B3GAT2: variants seen among roughly 807,000 people sequenced by gnomAD.
B3GAT2 encodes the protein galactosylgalactosylxylosylprotein 3-beta-glucuronosyltransferase 2.
In B3GAT2, 26 loss-of-function variants were observed where a neutral mutation model predicts 27.8. The ratio of observed to expected loss-of-function variants is 0.93; its 90% confidence interval spans 0.68 to 1.30. B3GAT2 has a LOEUF of 1.30. B3GAT2 is among the 50% of genes most tolerant of loss of function. B3GAT2 has a pLI of 0.00. For missense variants in B3GAT2, 458 were observed against 459.0 expected (o/e 1.00, Z 0.02); for synonymous variants, 218 against 195.1 (o/e 1.12, Z -0.98).
rs552969152 is a variant in B3GAT2, at chr6:70,856,688, A to G, written c.*4975T>C. 1 of 534,492 alleles carries G rather than the reference A, an allele frequency of 1.9e-6. No individual in the cohort carries two copies. The highest frequency in any genetic ancestry group is 3.0e-5 in the East Asian group (1 of 33,698). The allele number at this position is 534,492 out of a possible 1,614,324, so 33.1% of individuals were successfully genotyped here. On this transcript the variant is annotated 3_prime_UTR_variant, in exon 4 of 4. Transcript: ENST00000230053. Reference sequence around the variant, plus strand: ...TTAAGAAGTACTGTCTTGATTGTAGATGTTTTTATATGGGCTTGGGCTTGT... The same window carrying G: ...TTAAGAAGTACTGTCTTGATTGTAGGTGTTTTTATATGGGCTTGGGCTTGT...
chr6:70,865,411 G>A (rs1485934420), intron 2 of B3GAT2, among the ~76,000 whole-genome samples: 1 of 152,142 alleles, frequency 6.6e-6, no homozygotes, highest in African/African-American at 2.4e-5. Context: ...AGCTACAGCA[G>A]CCAGTCAAAA....
chr6:70,910,707 G>A (rs1772676283), intron 1 of B3GAT2, among the ~76,000 whole-genome samples: 1 of 152,076 alleles, frequency 6.6e-6, no homozygotes, highest in Non-Finnish European at 1.5e-5. Context: ...TGGATGGCTG[G>A]GTAAAATGGT....
Position 70,936,297 on chromosome 6 carries a change from A to C in B3GAT2, c.591+19542T>G, listed in dbSNP as rs1391191033. Among the ~76,000 whole-genome samples, 606 of 151,930 alleles carry C rather than the reference A, an allele frequency of 4.0e-3. 1 individual carries two copies. The highest frequency in any genetic ancestry group is 6.6e-3 in the Non-Finnish European group (451 of 67,846). On this transcript the variant is annotated intron_variant, in intron 1 of 3. Transcript: ENST00000230053. ...AAAGAGACTTAGACTCCCAAACAAT[A>C]ATAATGGGAGACTTTAACACCCCAC... is the stretch of plus-strand genomic sequence containing the variant.
At chr6:70,941,584 T>G (rs1765394479) in intron 1 of B3GAT2, among the ~76,000 whole-genome samples, 1 of 152,052 alleles carries the variant, frequency 6.6e-6, no homozygotes, top group South Asian at 2.1e-4. Flanking sequence ...GCTCATGACA[T>G]TCTCTTTCCT....
chr6:70,901,508 G>A (rs1772498573), intron 1 of B3GAT2, among the ~76,000 whole-genome samples: 1 of 152,242 alleles, frequency 6.6e-6, no homozygotes, highest in African/African-American at 2.4e-5. Flanking sequence ...AAGGGACATA[G>A]CCAATTGAAA....
intron 1 of B3GAT2, among the ~76,000 whole-genome samples, chr6:70,913,933 C>G (rs1173870336): frequency 6.6e-6 from 1 of 152,100 alleles, no homozygotes; most frequent in Non-Finnish European, 1.5e-5. Flanking sequence ...GAATTGAACC[C>G]TTTATGATTA....
At chr6:70,889,093 C>T (rs568054077) in intron 2 of B3GAT2, among the ~76,000 whole-genome samples, 4 of 152,250 alleles carry the variant, frequency 2.6e-5, no homozygotes, top group East Asian at 1.9e-4. Context: ...TAACATTTGG[C>T]GGACGGTCAA....
intron 1 of B3GAT2, among the ~76,000 whole-genome samples, chr6:70,915,756 G>A (rs1399670486): frequency 1.3e-5 from 2 of 152,086 alleles, no homozygotes; most frequent in Non-Finnish European, 2.9e-5. Context: ...TATTCCGTTG[G>A]TCTACATGTC....
intron 1 of B3GAT2, among the ~76,000 whole-genome samples, chr6:70,945,843 A>C (rs1395528247): frequency 6.6e-6 from 1 of 151,774 alleles, no homozygotes; most frequent in African/African-American, 2.4e-5. Context: ...TTACCCACAA[A>C]GGGAAGCCCA....
At chr6:70,889,267 T>C (rs755010407) in intron 2 of B3GAT2, among the ~76,000 whole-genome samples, 5 of 152,128 alleles carry the variant, frequency 3.3e-5, no homozygotes, top group Non-Finnish European at 7.4e-5. Flanking sequence ...TATCACTTCT[T>C]AAAACTTCAA....
chr6:70,884,623 CGT>C (rs1370009018), intron 2 of B3GAT2, among the ~76,000 whole-genome samples: 1 of 152,206 alleles, frequency 6.6e-6, no homozygotes, highest in East Asian at 1.9e-4. Context: ...GGGGCATCCA[CGT>C]GTGATGGAAA....
intron 1 of B3GAT2, among the ~76,000 whole-genome samples, chr6:70,903,969 G>C (rs1772553873): frequency 6.6e-6 from 1 of 152,054 alleles, no homozygotes; most frequent in Admixed American, 6.5e-5. Flanking sequence ...ATATCCATAA[G>C]CTGGAAATGG....
intron 1 of B3GAT2, among the ~76,000 whole-genome samples, chr6:70,914,924 A>G (rs771869205): frequency 6.6e-5 from 10 of 152,170 alleles, no homozygotes; most frequent in Non-Finnish European, 5.9e-5. Context: ...TATACCCACA[A>G]ATGGGATTGC....
At position 70,887,833 on chromosome 6, in the gene B3GAT2, C is replaced by A. The variant is rs1427438007; in HGVS notation, c.736+6295G>T. On this transcript the variant is annotated intron_variant, in intron 2 of 3. Coordinates refer to ENST00000230053, the MANE Select transcript of B3GAT2 (RefSeq NM_080742.3). ...AGGAAGGAGCATTTCCAGGCAGGGG[C>A]ATCAGTGCAGGCCCCAAAGGGAAGG... Among the ~76,000 whole-genome samples, 7 of 152,170 alleles carry A rather than the reference C, an allele frequency of 4.6e-5. No individual in the cohort carries two copies. The East Asian group carries it at 1.4e-3, about 29-fold the overall frequency.
chr6:70,880,228 G>A (rs1280444546), intron 2 of B3GAT2, among the ~76,000 whole-genome samples: 1 of 152,086 alleles, frequency 6.6e-6, no homozygotes, highest in South Asian at 2.1e-4. Flanking sequence ...TGGCAGTGAC[G>A]GTTGGCTTAA....
In B3GAT2 at chr6:70,857,044, A is replaced by T. The variant is rs1771455340; in HGVS notation, c.*4619T>A. Reference sequence around the variant, plus strand: ...AAAGTACTCCTGGTAATGAATTTTGATATCTGCTTTCAGTGACATTACTAG... The same window carrying T: ...AAAGTACTCCTGGTAATGAATTTTGTTATCTGCTTTCAGTGACATTACTAG... On this transcript the variant is annotated 3_prime_UTR_variant, in exon 4 of 4. Coordinates refer to ENST00000230053, the MANE Select transcript of B3GAT2 (RefSeq NM_080742.3). 1 of 1,589,038 alleles carries T rather than the reference A, an allele frequency of 6.3e-7. No homozygotes were observed. The highest frequency in any genetic ancestry group is 1.2e-5 in the South Asian group (1 of 86,536).
At chr6:70,887,163 G>A (rs1038243889) in intron 2 of B3GAT2, among the ~76,000 whole-genome samples, 1 of 152,202 alleles carries the variant, frequency 6.6e-6, no homozygotes, top group African/African-American at 2.4e-5. Flanking sequence ...TTATATTCAT[G>A]AAGCAAAGCA....
At chr6:70,883,961 CAG>C (rs980003736) in intron 2 of B3GAT2, among the ~76,000 whole-genome samples, 2 of 151,828 alleles carry the variant, frequency 1.3e-5, no homozygotes, top group African/African-American at 2.4e-5. Flanking sequence ...GAGATGGACA[CAG>C]GGGGTGGCCT....
chr6:70,909,150 T>TCA (rs1035992229), intron 1 of B3GAT2, among the ~76,000 whole-genome samples: 11 of 152,104 alleles, frequency 7.2e-5, no homozygotes, highest in African/African-American at 2.2e-4. Context: ...ACTCTCTCTC[T>TCA]CTCACACACA....
Sources: allele counts gnomAD v4.1 joint callset (sites outside exome capture counted in the v4.1 genomes callset), GRCh38; gene constraint gnomAD v4.1.1; transcripts MANE v1.5; gene names NCBI Gene and HGNC (gene_info 2026-07-23, HGNC 2026-07-21).